Variants in ZNF783 observed in about 807,000 individuals in gnomAD.
The protein encoded by ZNF783 is zinc finger protein 783.
A neutral mutation model predicts 31.3 loss-of-function variants in ZNF783; 25 were observed. That is an observed-to-expected ratio of 0.80 (90% CI 0.58 to 1.11). The LOEUF (loss-of-function observed/expected upper bound fraction) is 1.11. ZNF783 is among the 50% of genes most tolerant of loss of function. The pLI is 0.00. For missense variants in ZNF783, 797 were observed against 760.0 expected, an observed-to-expected ratio of 1.05 and a Z score of -0.57; for synonymous variants, 369 against 319.1, an observed-to-expected ratio of 1.16 and a Z score of -1.66.
Position 149,282,377 on chromosome 7 carries a change from G to T in ZNF783, c.*34G>T. ...GAGCCCACAGAGGACCCCTGGCGGGGTCTCTCCCCTGTGCCTGACGCAGGT... is the reference window on the plus strand; with the variant it reads ...GAGCCCACAGAGGACCCCTGGCGGGTTCTCTCCCCTGTGCCTGACGCAGGT... On this transcript the variant is annotated 3_prime_UTR_variant, in exon 6 of 6. Coordinates refer to ENST00000434415, the MANE Select transcript of ZNF783 (RefSeq NM_001195220.2). 7.0e-7 allele frequency: 1 copy of T among 1,431,858 alleles called. No homozygotes were observed. The highest frequency in any genetic ancestry group is 9.2e-7 in the Non-Finnish European group (1 of 1,092,248). 88.7% of individuals were successfully genotyped at this position (1,431,858 alleles called of 1,614,324 possible).
At position 149,276,333 on chromosome 7, in the gene ZNF783, G is replaced by A. The variant is rs923079993; in HGVS notation, c.674-2066G>A. On this transcript the variant is annotated intron_variant, in intron 4 of 5. Coordinates refer to ENST00000434415, the MANE Select transcript of ZNF783 (RefSeq NM_001195220.2). Reference sequence around the variant, plus strand: ...GGGGCTGTTTAGTAGGATGGATGATGTGTTTTTCTTTGTTGTAGGAAGGAT... The same window carrying A: ...GGGGCTGTTTAGTAGGATGGATGATATGTTTTTCTTTGTTGTAGGAAGGAT... 4.0e-6 allele frequency: 4 copies of A among 989,210 alleles called. No individual in the cohort carries two copies. In the African/African-American group the frequency reaches 5.2e-5, roughly 13 times the overall value. The allele number at this position is 989,210 out of a possible 1,614,324, so 61.3% of individuals were successfully genotyped here. A position where few individuals can be genotyped will look rare whatever the true frequency, so the allele number is the denominator to read the frequency against.
Position 149,281,629 on chromosome 7 carries a change from T to C in ZNF783, c.927T>C (p.Pro309=), listed in dbSNP as rs367725218. The C allele has an allele frequency of 5.2e-4, 807 of 1,546,408 alleles. 5 individuals are homozygous for C. The African/African-American group carries it at 9.9e-3, about 19-fold the overall frequency. ...CRIPRGPRNR[P]GGPSRHQAQG... ...TCCCCCGAGGGCCCAGGAACAGGCC[T>C]GGGGGCCCCAGCCGTCATCAGGCCC... The change falls in exon 6 of 6, where the codon CCT becomes CCC. Residue 309 remains proline (P), a synonymous_variant. Transcript: ENST00000434415.
In ZNF783 at chr7:149,281,583, G is replaced by A. The variant is rs752803376; in HGVS notation, c.881G>A (p.Arg294Gln). The change falls in exon 6 of 6, where the codon CGA becomes CAA. Residue 294 changes from arginine (R) to glutamine (Q), a missense_variant. Transcript: ENST00000434415. Reference protein sequence around the residue: ...TPERLFLGVSRGQTECRIPRG... With the variant: ...TPERLFLGVSQGQTECRIPRG... ...GAGCGGCTCTTTCTGGGGGTGTCCCGAGGCCAGACCGAGTGTAGAATCCCC... is the reference window on the plus strand; with the variant it reads ...GAGCGGCTCTTTCTGGGGGTGTCCCAAGGCCAGACCGAGTGTAGAATCCCC... 36 of 1,528,722 alleles carry A rather than the reference G, an allele frequency of 2.4e-5. No individual in the cohort carries two copies. In the Admixed American group the frequency reaches 5.0e-4, roughly 21 times the overall value. The allele number at this position is 1,528,722 out of a possible 1,614,324, so 94.7% of individuals were successfully genotyped here. A position where few individuals can be genotyped will look rare whatever the true frequency, so the allele number is the denominator to read the frequency against.
intron 4 of ZNF783, among the ~76,000 whole-genome samples, chr7:149,270,728 C>T (rs1190186690): frequency 6.6e-6 from 1 of 152,090 alleles, no homozygotes; most frequent in Non-Finnish European, 1.5e-5. Context: ...TAAGGTGTGC[C>T]AGATTTATGT....
chr7:149,276,043 C>T (rs1797320853), intron 4 of ZNF783, among the ~76,000 whole-genome samples: 1 of 152,114 alleles, frequency 6.6e-6, no homozygotes, highest in African/African-American at 2.4e-5. Context: ...GCGTATGCCA[C>T]CACACCCAGC....
chr7:149,276,409 G>A, intron 4 of ZNF783: 1 of 987,392 alleles, frequency 1.0e-6, no homozygotes, highest in Non-Finnish European at 1.2e-6. Context: ...AGGATCTGCT[G>A]ATGAAGCAAC....
At chr7:149,274,633 TG>T (rs1173329557) in intron 4 of ZNF783, among the ~76,000 whole-genome samples, 1 of 152,256 alleles carries the variant, frequency 6.6e-6, no homozygotes, top group African/African-American at 2.4e-5. Flanking sequence ...CCCAAAGTGT[TG>T]GGATTACAGG....
intron 4 of ZNF783, among the ~76,000 whole-genome samples, chr7:149,274,630 T>C (rs1563197235): frequency 2.6e-5 from 4 of 152,256 alleles, no homozygotes; most frequent in Admixed American, 2.6e-4. Flanking sequence ...CTGCCCAAAG[T>C]GTTGGGATTA....
At chr7:149,264,014 G>C (rs1255125016) in intron 1 of ZNF783, among the ~76,000 whole-genome samples, 2 of 152,096 alleles carry the variant, frequency 1.3e-5, no homozygotes, top group African/African-American at 2.4e-5. Context: ...CTACCTTTCA[G>C]ATCACTCCTG....
At position 149,282,183 on chromosome 7, in the gene ZNF783, ACCAGTGCCC is replaced by A. The variant is rs766741599; in HGVS notation, c.1488_1496del (p.Pro497_Cys499del). On this transcript the variant is annotated inframe_deletion, in exon 6 of 6. Coordinates refer to ENST00000434415, the MANE Select transcript of ZNF783 (RefSeq NM_001195220.2). ...CGCATCCACACCGGTGAGCGGCCCT[ACCAGTGCCC>A]CCAGTGTGGCCGGACCTTCAACCGC... is the stretch of plus-strand genomic sequence containing the variant. 2 of 1,600,864 alleles carry A rather than the reference ACCAGTGCCC, an allele frequency of 1.2e-6. No individual in the cohort carries two copies. The highest frequency in any genetic ancestry group is 2.7e-5 in the African/African-American group (2 of 75,010).
At position 149,266,653 on chromosome 7, in the gene ZNF783, A is replaced by G. The variant is rs1563194297; in HGVS notation, c.343A>G (p.Asn115Asp). ...CGGGCTGCTGCAGAGGCGGCTGGAG[A>G]ATGTGGAGAACTTGCTGCGCAACAG... ...EYGLLQRRLE[N>D]VENLLRNRNF... The change falls in exon 2 of 6, where the codon AAT becomes GAT. Residue 115 changes from asparagine to aspartate, a missense_variant. Physicochemically the swap from Asn to Asp is conservative, Grantham distance 23. Transcript: ENST00000434415. 6.2e-7 allele frequency: 1 copy of G among 1,613,722 alleles called. No homozygotes were observed. Among genetic ancestry groups the G allele is most frequent in the East Asian group, 2.2e-5 (1 of 44,858 alleles).
intron 4 of ZNF783, chr7:149,278,058 C>T (rs955584536): frequency 2.0e-5 from 15 of 734,718 alleles, no homozygotes; most frequent in East Asian, 7.3e-5. Context: ...GGAGGAGGCC[C>T]GACTGCGGGA....
In ZNF783 at chr7:149,281,531, G is replaced by A; in HGVS notation, c.829G>A (p.Ala277Thr). The change falls in exon 6 of 6, where the codon GCA (alanine) becomes ACA (threonine). Residue 277 changes from alanine to threonine, a missense_variant. Physicochemically the swap from Ala to Thr is moderately conservative, Grantham distance 58 (BLOSUM62 0). Coordinates refer to ENST00000434415, the MANE Select transcript of ZNF783 (RefSeq NM_001195220.2). ...TGGTGGTGTGGCCATCAAGACAGAG[G>A]CACAGTCTGAAGACGAGATGACGCC... The part of the protein sequence containing the change: ...AGGGVAIKTE[A>T]QSEDEMTPER... 1.4e-6 allele frequency: 2 copies of A among 1,460,436 alleles called. No homozygotes were observed. Among genetic ancestry groups the A allele is most frequent in the African/African-American group, 1.5e-5 (1 of 68,286 alleles). 90.5% of individuals were successfully genotyped at this position (1,460,436 alleles called of 1,614,324 possible). A position where few individuals can be genotyped will look rare whatever the true frequency, so the allele number is the denominator to read the frequency against.
rs1797385424 is a variant in ZNF783 at position 149,278,467 on chromosome 7, CA to C, written c.743del (p.Gln248ArgfsTer36). 6.3e-7 allele frequency: 1 copy of C among 1,599,182 alleles called. No homozygotes were observed. Among genetic ancestry groups the C allele is most frequent in the South Asian group, 1.1e-5 (1 of 91,056 alleles). ...SPAQEELKEGQAPKQQQDSEA... is the reference protein window; with the variant it reads ...SPAQEELKEGXAPKQQQDSEA... The stretch of plus-strand genomic sequence containing the variant: ...TGCCCAGGAGGAGCTGAAAGAAGGG[CA>C]GGCCCCCAAGCAGCAGCAGGACTCA... On this transcript the variant is annotated frameshift_variant, in exon 5 of 6. Transcript: ENST00000434415. LOFTEE classifies it high-confidence loss of function.
chr7:149,278,581 A>G, intron 5 of ZNF783, 54 bp downstream of exon 5: 1 of 1,595,192 alleles, frequency 6.3e-7, no homozygotes. Context: ...GCAGCACGCG[A>G]TCACCAAGCG....
intron 5 of ZNF783, among the ~76,000 whole-genome samples, chr7:149,280,243 T>C (rs1384970065): frequency 6.6e-6 from 1 of 152,122 alleles, no homozygotes; most frequent in African/African-American, 2.4e-5. Context: ...GCCCCTCACC[T>C]CCCGGAGCAC....
intron 4 of ZNF783, among the ~76,000 whole-genome samples, chr7:149,268,378 T>TA (rs1034623506): frequency 6.6e-6 from 1 of 152,220 alleles, no homozygotes; most frequent in African/African-American, 2.4e-5. Context: ...TGAAGTATAT[T>TA]AAAAAAACTT....
At position 149,282,965 on chromosome 7, in the gene ZNF783, T is replaced by TGTTGTTGTTG. The variant is rs1554480465; in HGVS notation, c.*622_*623insGTTGTTGTTG. 4 of 131,056 alleles carry TGTTGTTGTTG rather than the reference T, an allele frequency of 3.1e-5. No homozygotes were observed. Among genetic ancestry groups the TGTTGTTGTTG allele is most frequent in the African/African-American group, 1.1e-4 (4 of 35,184 alleles). The allele number at this position is 131,056 out of a possible 1,614,324, so 8.1% of individuals were successfully genotyped here. ...AGCCTGTGGGTCTTTTGGTTTTTTT[T>TGTTGTTGTTG]TTGTTGTTGTTGTTGTTTTTTTAAG... On this transcript the variant is annotated 3_prime_UTR_variant, in exon 6 of 6. Transcript: ENST00000434415.
At chr7:149,270,533 G>A (rs914658315) in intron 4 of ZNF783, among the ~76,000 whole-genome samples, 1 of 152,196 alleles carries the variant, frequency 6.6e-6, no homozygotes, top group Non-Finnish European at 1.5e-5. Flanking sequence ...CCCATGACTT[G>A]GGCTTCTTTT....
Sources: gnomAD v4.1 joint callset for allele counts (sites outside exome capture counted in the v4.1 genomes callset) on GRCh38, gnomAD v4.1.1 for gene constraint, MANE v1.5 for transcripts, NCBI Gene and HGNC (gene_info 2026-07-23, HGNC 2026-07-21) for gene names.